The following UGT1A9 variants were observed in gnomAD, a reference collection of about 807,000 sequenced individuals.
UGT1A9 encodes UDP glucuronosyltransferase family 1 member A9.
A neutral mutation model predicts 45.0 loss-of-function variants in UGT1A9; 35 were observed. That is an observed-to-expected ratio of 0.78 (90% CI 0.59 to 1.03). The LOEUF (loss-of-function observed/expected upper bound fraction) is 1.03, where lower values mean the gene tolerates loss of function less well. UGT1A9 is among the 50% of genes least tolerant of loss of function. The probability of loss-of-function intolerance (pLI) is 0.00; values close to 1 mark genes in which losing one functional copy is unlikely to be tolerated. For synonymous variants in UGT1A9, 278 were observed against 250.6 expected (o/e 1.11, Z -1.03); for missense variants, 687 against 666.6 (o/e 1.03, Z -0.34).
chr2:233,727,949 G>C (rs1469801849), intron 1 of UGT1A9, among the ~76,000 whole-genome samples: 1 of 152,198 alleles, frequency 6.6e-6, no homozygotes, highest in African/African-American at 2.4e-5. Flanking sequence ...CAGACAGCCT[G>C]CCCACATCAT....
At chr2:233,706,986 A>C (rs936707267) in intron 1 of UGT1A9, among the ~76,000 whole-genome samples, 2 of 152,186 alleles carry the variant, frequency 1.3e-5, no homozygotes, top group Non-Finnish European at 2.9e-5. Context: ...ACAGATAGGC[A>C]GTAAGAATCA....
At chr2:233,703,913 C>T (rs1307467754) in intron 1 of UGT1A9, among the ~76,000 whole-genome samples, 1 of 150,364 alleles carries the variant, frequency 6.7e-6, no homozygotes, top group Non-Finnish European at 1.5e-5. Context: ...TTTTTTGAGA[C>T]AAAATCTCAT....
rs559752141 is a variant in UGT1A9 at position 233,711,434 on chromosome 2, T to C, written c.855+38645T>C. Among the ~76,000 whole-genome samples, 238 of 152,294 alleles carry C rather than the reference T, an allele frequency of 1.6e-3. 2 individuals are homozygous for C. The highest frequency in any genetic ancestry group is 5.3e-3 in the African/African-American group (222 of 41,578). ...TCATCAGGAGGGTGCTTAGGATGCA[T>C]ACAGTTTTAAGGGGGTTGGAGGAAT... On this transcript the variant is annotated intron_variant, in intron 1 of 4. Coordinates refer to ENST00000354728, the MANE Select transcript of UGT1A9 (RefSeq NM_021027.3).
At chr2:233,682,442 G>A (rs1559339683) in intron 1 of UGT1A9, 8 of 1,613,664 alleles carry the variant, frequency 5.0e-6, no homozygotes, top group Middle Eastern at 3.3e-4. Flanking sequence ...TGTGGTCTTC[G>A]CCAGGGGAAT....
At chr2:233,694,585 C>A (rs1177504062) in intron 1 of UGT1A9, among the ~76,000 whole-genome samples, 10 of 152,158 alleles carry the variant, frequency 6.6e-5, no homozygotes, top group Non-Finnish European at 1.5e-4. Context: ...TAAATATTTA[C>A]AACTTTGAAG....
intron 1 of UGT1A9, chr2:233,690,455 C>G (rs1165670819): frequency 7.8e-7 from 1 of 1,287,146 alleles, no homozygotes; most frequent in South Asian, 1.2e-5. Flanking sequence ...ATTCAAAATG[C>G]CAGCTATCCT....
At chr2:233,771,027 G>A (rs186703216) in intron 4 of UGT1A9, 2 of 152,078 alleles carry the variant, frequency 1.3e-5, no homozygotes, top group Admixed American at 6.6e-5. Context: ...GAGAGAGTTG[G>A]GGGGGAAGGT....
At chr2:233,758,273 A>C (rs575144774) in intron 1 of UGT1A9, among the ~76,000 whole-genome samples, 2 of 152,350 alleles carry the variant, frequency 1.3e-5, no homozygotes, top group South Asian at 4.1e-4. Context: ...TTCTTGGTCA[A>C]GGGCAGAGCT....
intron 1 of UGT1A9, among the ~76,000 whole-genome samples, chr2:233,673,144 T>C (rs2074251939): frequency 6.6e-6 from 1 of 152,208 alleles, no homozygotes; most frequent in South Asian, 2.1e-4. Flanking sequence ...AACATTCTTT[T>C]AATGTTTTTA....
At chr2:233,704,169 G>A (rs1358460644) in intron 1 of UGT1A9, among the ~76,000 whole-genome samples, 1 of 151,694 alleles carries the variant, frequency 6.6e-6, no homozygotes, top group Non-Finnish European at 1.5e-5. Context: ...GGGATTACAG[G>A]TGTGAGCCAC....
At chr2:233,712,649 G>A (rs1221373992) in intron 1 of UGT1A9, among the ~76,000 whole-genome samples, 1 of 152,184 alleles carries the variant, frequency 6.6e-6, no homozygotes, top group Non-Finnish European at 1.5e-5. Flanking sequence ...CCTGATAAAC[G>A]TGGTTAAGAG....
At position 233,743,541 on chromosome 2, in the gene UGT1A9, A is replaced by AC. The variant is rs544018510; in HGVS notation, c.856-23486dup. On this transcript the variant is annotated intron_variant, in intron 1 of 4. Coordinates refer to ENST00000354728, the MANE Select transcript of UGT1A9 (RefSeq NM_021027.3). ...TTCTGCTTCCCCAGCAGTTCCTCTG[A>AC]CCCCCCCAAAATATTCTCCAGCGGG... 1.1e-3 allele frequency: 1,461 copies of AC among 1,366,810 alleles called. 41 individuals carry two copies. The African/African-American group carries it at 0.017, about 16-fold the overall frequency. The allele number at this position is 1,366,810 out of a possible 1,614,324, so 84.7% of individuals were successfully genotyped here. A position where few individuals can be genotyped will look rare whatever the true frequency, so the allele number is the denominator to read the frequency against.
intron 1 of UGT1A9, chr2:233,738,818 A>G (rs779696858): frequency 6.6e-6 from 1 of 152,242 alleles, no homozygotes; most frequent in Non-Finnish European, 1.5e-5. Flanking sequence ...AGAAATTTGA[A>G]TAAATAAGGA....
chr2:233,693,584 A>G (rs779489251), intron 1 of UGT1A9: 1 of 1,614,184 alleles, frequency 6.2e-7, no homozygotes, highest in Non-Finnish European at 8.5e-7. Flanking sequence ...CTACATTCCC[A>G]GGTGCTACAC....
chr2:233,764,888 C>G (rs1553621888), intron 1 of UGT1A9, among the ~76,000 whole-genome samples: 1 of 147,412 alleles, frequency 6.8e-6, no homozygotes, highest in Non-Finnish European at 1.5e-5. Context: ...AAGGCAAAGA[C>G]AAAGCCCTTA....
At chr2:233,761,658 A>C (rs1473319616) in intron 1 of UGT1A9, among the ~76,000 whole-genome samples, 1 of 152,256 alleles carries the variant, frequency 6.6e-6, no homozygotes, top group African/African-American at 2.4e-5. Context: ...TAATGAGTGA[A>C]TCACCAGACA....
At chr2:233,730,970 C>A (rs1362150933) in intron 1 of UGT1A9, among the ~76,000 whole-genome samples, 1 of 152,154 alleles carries the variant, frequency 6.6e-6, no homozygotes. Context: ...ACTCTGGGAC[C>A]TGAATATTGT....
intron 1 of UGT1A9, chr2:233,755,026 G>A (rs776900288): frequency 1.5e-6 from 2 of 1,306,986 alleles, no homozygotes; most frequent in Non-Finnish European, 2.1e-6. Context: ...TCCTTGAAGG[G>A]CCTGCCGCCT....
At chr2:233,679,176 AT>A (rs2074442925) in intron 1 of UGT1A9, among the ~76,000 whole-genome samples, 3 of 152,166 alleles carry the variant, frequency 2.0e-5, no homozygotes, top group Admixed American at 1.3e-4. Context: ...CACGTAGACC[AT>A]TTTGACACCT....
Sources: gnomAD v4.1 joint callset for allele counts (sites outside exome capture counted in the v4.1 genomes callset) on GRCh38, gnomAD v4.1.1 for gene constraint, MANE v1.5 for transcripts, NCBI Gene and HGNC (gene_info 2026-07-23, HGNC 2026-07-21) for gene names.